Variants in ZFHX3 observed in about 807,000 individuals in gnomAD.
ZFHX3 encodes the protein zinc finger homeobox protein 3.
ZFHX3 carries 42 observed loss-of-function variants against 279.1 expected under a neutral mutation model. That is an observed-to-expected ratio of 0.15 (90% CI 0.12 to 0.19). The LOEUF (loss-of-function observed/expected upper bound fraction) is 0.19. Among genes scored for constraint, ZFHX3 ranks in the 10% least tolerant of loss-of-function variants. The pLI, the probability that ZFHX3 is intolerant of heterozygous loss-of-function variation, is 1.00. For synonymous variants in ZFHX3, 2,293 were observed against 1,957.8 expected, an observed-to-expected ratio of 1.17 and a Z score of -4.52; for missense variants, 4,981 against 4,754.0, an observed-to-expected ratio of 1.05 and a Z score of -1.40.
chr16:73,445,269 T>A, intron 3 of ZFHX3, among the ~76,000 whole-genome samples: 1 of 74,272 alleles, frequency 1.3e-5, no homozygotes, highest in Non-Finnish European at 3.8e-5. Context: ...TGTATATGTA[T>A]GTATATATGT....
chr16:73,105,368 C>T (rs1477848615), intron 7 of ZFHX3, among the ~76,000 whole-genome samples: 12 of 69,738 alleles, frequency 1.7e-4, no homozygotes, highest in African/African-American at 7.7e-4. Flanking sequence ...TATATATACA[C>T]ACATATATAT....
intron 1 of ZFHX3, chr16:73,812,473 C>T (rs906514999): frequency 1.3e-5 from 2 of 152,132 alleles, no homozygotes; most frequent in African/African-American, 2.4e-5. Flanking sequence ...TTCGTTGACC[C>T]CTGATCATAG....
intron 2 of ZFHX3, among the ~76,000 whole-genome samples, chr16:73,461,325 T>G (rs1431799482): frequency 6.6e-6 from 1 of 152,224 alleles, no homozygotes; most frequent in Non-Finnish European, 1.5e-5. Context: ...GATATGGGGT[T>G]TCAGGTATCT....
At chr16:73,251,950 A>AC (rs1422520472) in intron 5 of ZFHX3, among the ~76,000 whole-genome samples, 2 of 150,236 alleles carry the variant, frequency 1.3e-5, no homozygotes, top group Admixed American at 6.6e-5. Context: ...CACACCACAC[A>AC]CACGCACACA....
At chr16:73,414,798 C>T (rs1009275585) in intron 3 of ZFHX3, among the ~76,000 whole-genome samples, 44 of 152,156 alleles carry the variant, frequency 2.9e-4, no homozygotes, top group Admixed American at 2.8e-3. Flanking sequence ...ATTGCGCCAC[C>T]GCACTTTAGA....
At chr16:73,576,523 A>G (rs2051801141) in intron 2 of ZFHX3, among the ~76,000 whole-genome samples, 1 of 152,128 alleles carries the variant, frequency 6.6e-6, no homozygotes, top group Non-Finnish European at 1.5e-5. Flanking sequence ...GGGAGGAAAA[A>G]CGAGAAATGA....
chr16:73,776,039 C>T (rs577350702), intron 1 of ZFHX3, among the ~76,000 whole-genome samples: 1 of 152,306 alleles, frequency 6.6e-6, no homozygotes, highest in Non-Finnish European at 1.5e-5. Flanking sequence ...CTCCTGCAGA[C>T]CTGACTTAAC....
At chr16:73,185,097 C>G (rs1209529484) in intron 5 of ZFHX3, among the ~76,000 whole-genome samples, 1 of 152,058 alleles carries the variant, frequency 6.6e-6, no homozygotes, top group Non-Finnish European at 1.5e-5. Context: ...CCTGCCTCAG[C>G]CTCCCTGGTA....
chr16:73,389,734 T>A (rs1394354507), intron 3 of ZFHX3, among the ~76,000 whole-genome samples: 1 of 152,218 alleles, frequency 6.6e-6, no homozygotes, highest in Non-Finnish European at 1.5e-5. Context: ...ATTCTGCCCT[T>A]TGGGGCCAGT....
chr16:73,587,630 G>T (rs1239498353), intron 2 of ZFHX3, among the ~76,000 whole-genome samples: 1 of 152,156 alleles, frequency 6.6e-6, no homozygotes, highest in Non-Finnish European at 1.5e-5. Flanking sequence ...ATTCTCACCA[G>T]ACTTGTATCC....
At chr16:73,657,883 C>T (rs1001788626) in intron 2 of ZFHX3, among the ~76,000 whole-genome samples, 1 of 152,178 alleles carries the variant, frequency 6.6e-6, no homozygotes, top group African/African-American at 2.4e-5. Context: ...CACCTTTTGA[C>T]TGCTATGAAA....
intron 5 of ZFHX3, among the ~76,000 whole-genome samples, chr16:73,152,866 A>C (rs893486891): frequency 1.3e-5 from 2 of 151,618 alleles, no homozygotes; most frequent in African/African-American, 4.9e-5. Context: ...GGGCCAGCTG[A>C]GCCGGGTAAT....
Position 72,794,808 on chromosome 16 carries a change from C to A in ZFHX3, c.7874G>T (p.Ser2625Ile). ...KRKLEEKASA[S>I]PGENDSGTGG... ...TGTCCCACTGTCGTTTTCGCCAGGG[C>A]TTGCACTGGCCTTTTCCTCCAGCTT... The change falls in exon 9 of 10, where the codon AGC becomes ATC. Residue 2625 changes from serine (S) to isoleucine (I), a missense_variant. Around this residue, in one of 7 missense-constraint regions of ZFHX3, gnomAD observed 744 missense variants for 701.3 expected, o/e 1.06. Transcript: ENST00000268489. This position sits in a 1 kb window ranked among gnomAD's most constrained non-coding sequence, Gnocchi z 4.2. 6.2e-7 allele frequency: 1 copy of A among 1,614,162 alleles called. No individual in the cohort carries two copies. Among genetic ancestry groups the A allele is most frequent in the Non-Finnish European group, 8.5e-7 (1 of 1,180,032 alleles).
intron 2 of ZFHX3, among the ~76,000 whole-genome samples, chr16:73,572,447 C>T (rs946517911): frequency 2.0e-5 from 3 of 152,144 alleles, no homozygotes; most frequent in Non-Finnish European, 4.4e-5. Context: ...GGCTTCAGAG[C>T]GAAAACTCTT....
chr16:73,635,760 CTT>C (rs528042683), intron 2 of ZFHX3, among the ~76,000 whole-genome samples: 1 of 152,184 alleles, frequency 6.6e-6, no homozygotes, highest in Non-Finnish European at 1.5e-5. Flanking sequence ...AAATATTCTC[CTT>C]TGTCTTCAAC....
At chr16:73,260,827 C>T (rs1381897483) in intron 4 of ZFHX3, among the ~76,000 whole-genome samples, 32 of 151,668 alleles carry the variant, frequency 2.1e-4, no homozygotes, top group African/African-American at 6.5e-4. Context: ...GGATTACAGG[C>T]GCCCACCACC....
chr16:73,035,125 T>TA (rs1964854039), intron 1 of ZFHX3, among the ~76,000 whole-genome samples: 1 of 151,872 alleles, frequency 6.6e-6, no homozygotes. Flanking sequence ...GCTGAAGGTA[T>TA]AAAAATACAG....
chr16:73,409,576 A>C (rs2143456062), intron 3 of ZFHX3, among the ~76,000 whole-genome samples: 1 of 152,318 alleles, frequency 6.6e-6, no homozygotes, highest in East Asian at 1.9e-4. Context: ...CAAAACGCGA[A>C]AAATAGAGCT....
At chr16:72,945,335 G>C (rs79328838) in intron 3 of ZFHX3, among the ~76,000 whole-genome samples, 3,121 of 152,202 alleles carry the variant, frequency 0.021, 120 homozygotes, top group African/African-American at 0.071. Context: ...CCATCTCCTG[G>C]AGTCCTCTTG....
Sources: gnomAD v4.1 joint callset for allele counts (sites outside exome capture counted in the v4.1 genomes callset) on GRCh38, gnomAD v4.1.1 for gene constraint, gnomAD v4.1.1 regional missense constraint, Gnocchi (gnomAD v3.1) non-coding constraint, MANE v1.5 for transcripts, NCBI Gene and HGNC (gene_info 2026-07-23, HGNC 2026-07-21) for gene names.